Variants in STXBP4 observed in about 807,000 individuals in gnomAD.
The protein encoded by STXBP4 is syntaxin binding protein 4, also known as syntaxin-binding protein 4.
STXBP4 carries 55 observed loss-of-function variants against 76.1 expected under a neutral mutation model. That is an observed-to-expected ratio of 0.72 (90% confidence interval 0.58 to 0.91). The LOEUF (loss-of-function observed/expected upper bound fraction) is 0.91, where lower values mean the gene tolerates loss of function less well. Among genes scored for constraint, STXBP4 ranks in the 40% least tolerant of loss-of-function variants. The probability of loss-of-function intolerance (pLI) is 0.00; values close to 1 mark genes in which losing one functional copy is unlikely to be tolerated. For synonymous variants in STXBP4, 201 were observed against 220.2 expected, an observed-to-expected ratio of 0.91 and a Z score of 0.77; for missense variants, 618 against 636.9, an observed-to-expected ratio of 0.97 and a Z score of 0.32.
At chr17:55,199,175 C>A in the STXBP4 span, among the ~76,000 whole-genome samples, 1 of 152,214 alleles carries the variant, frequency 6.6e-6, no homozygotes, top group Non-Finnish European at 1.5e-5. Flanking sequence ...GCAAAAATTA[C>A]ATTCACAGCT....
In STXBP4 at chr17:55,162,204, G is replaced by A. The variant is rs1032479845; in HGVS notation, c.*2293G>A. ...TCCGTGACTTCTAAACCATCAGGTC[G>A]GTGCCATAAGAGATGCTCAAAAAAG... On this transcript the variant is annotated 3_prime_UTR_variant, in exon 18 of 18. Transcript: ENST00000376352. 4 of 152,068 alleles carry A rather than the reference G, an allele frequency of 2.6e-5. No individual in the cohort carries two copies. Among genetic ancestry groups the A allele is most frequent in the African/African-American group, 4.8e-5 (2 of 41,398 alleles). The allele number at this position is 152,068 out of a possible 1,614,324, so 9.4% of individuals were successfully genotyped here.
At chr17:55,122,475 G>A (rs1238738268) in intron 16 of STXBP4, among the ~76,000 whole-genome samples, 1 of 152,140 alleles carries the variant, frequency 6.6e-6, no homozygotes, top group Non-Finnish European at 1.5e-5. Flanking sequence ...ATAAATGAAG[G>A]AATGGAGTCT....
the STXBP4 span, among the ~76,000 whole-genome samples, chr17:55,212,067 G>A: frequency 3.3e-5 from 5 of 151,280 alleles, no homozygotes; most frequent in African/African-American, 7.3e-5. Flanking sequence ...TGATCCACCC[G>A]CCTCAGCCTC....
intron 16 of STXBP4, among the ~76,000 whole-genome samples, chr17:55,094,750 G>A (rs928588843): frequency 2.0e-5 from 3 of 151,984 alleles, no homozygotes; most frequent in African/African-American, 2.4e-5. Flanking sequence ...CTTAAAAAGC[G>A]CTGAAATTCT....
chr17:54,972,602 T>A (rs1313772444), intron 1 of STXBP4, among the ~76,000 whole-genome samples: 2 of 152,224 alleles, frequency 1.3e-5, no homozygotes, highest in Non-Finnish European at 2.9e-5. Context: ...TTCCTTATTT[T>A]CTGGCACTAC....
chr17:55,195,910 C>T, the STXBP4 span, among the ~76,000 whole-genome samples: 1 of 152,180 alleles, frequency 6.6e-6, no homozygotes, highest in Non-Finnish European at 1.5e-5. Flanking sequence ...CCCACAGATG[C>T]TGCTGAACAT....
intron 7 of STXBP4, 144 bp from the exon 8 acceptor site, chr17:55,007,362 A>G (rs1329282755): frequency 4.4e-6 from 3 of 682,176 alleles, no homozygotes; most frequent in Non-Finnish European, 7.6e-6. Flanking sequence ...GAAAAGAAAA[A>G]AAAATTATGC....
chr17:55,071,455 C>T (rs2093208597), intron 12 of STXBP4, among the ~76,000 whole-genome samples: 1 of 152,162 alleles, frequency 6.6e-6, no homozygotes, highest in South Asian at 2.1e-4. Context: ...GGCCTTCATG[C>T]AAACTGTTCG....
intron 8 of STXBP4, among the ~76,000 whole-genome samples, chr17:55,013,867 AG>A (rs1381419057): frequency 6.6e-6 from 1 of 152,156 alleles, no homozygotes. Flanking sequence ...AAGGCAAACA[AG>A]AATTGAGAGT....
downstream of STXBP4, among the ~76,000 whole-genome samples, chr17:55,177,663 G>A (rs915202578): frequency 2.7e-4 from 41 of 152,310 alleles, no homozygotes; most frequent in Admixed American, 9.8e-4. Context: ...GCACATGATT[G>A]CTGTCCAATA....
intron 12 of STXBP4, among the ~76,000 whole-genome samples, chr17:55,057,837 A>G (rs1385996767): frequency 6.6e-6 from 1 of 152,146 alleles, no homozygotes; most frequent in Non-Finnish European, 1.5e-5. Flanking sequence ...GTTTGCTGAG[A>G]ATGATGGTTT....
chr17:55,201,717 G>A, the STXBP4 span, among the ~76,000 whole-genome samples: 1 of 152,174 alleles, frequency 6.6e-6, no homozygotes, highest in Non-Finnish European at 1.5e-5. Context: ...ACCAAGGTAA[G>A]TCTCACTAGG....
At chr17:55,008,861 TC>T (rs1379124543) in intron 8 of STXBP4, among the ~76,000 whole-genome samples, 1 of 152,186 alleles carries the variant, frequency 6.6e-6, no homozygotes, top group Non-Finnish European at 1.5e-5. Context: ...AGAAAGACCT[TC>T]CGGCTTCTGC....
chr17:55,112,847 G>A (rs1029096535), intron 16 of STXBP4, among the ~76,000 whole-genome samples: 3 of 152,100 alleles, frequency 2.0e-5, no homozygotes, highest in African/African-American at 7.2e-5. Context: ...CAAATGAAGA[G>A]TAGATGACTG....
chr17:55,097,887 A>G (rs1333103551), intron 16 of STXBP4, among the ~76,000 whole-genome samples: 2 of 152,150 alleles, frequency 1.3e-5, no homozygotes, highest in African/African-American at 2.4e-5. Context: ...TTCATCTATG[A>G]AGATGGAGAT....
At chr17:55,004,113 G>A (rs931931477) in intron 7 of STXBP4, among the ~76,000 whole-genome samples, 1 of 151,908 alleles carries the variant, frequency 6.6e-6, no homozygotes, top group African/African-American at 2.4e-5. Flanking sequence ...AACCCAGGAG[G>A]CAGAGGTTGC....
rs368382201 is a variant in STXBP4, at chr17:55,034,369, T to A, written c.855+110T>A. ...CTTAAAAATAGAAATAATACATGTT[T>A]CTTGGATAAATATATAAATACAAAT... On this transcript the variant is annotated intron_variant, in intron 10 of 17. Coordinates refer to ENST00000376352, the MANE Select transcript of STXBP4 (RefSeq NM_178509.6). 1.2e-3 allele frequency: 729 copies of A among 617,822 alleles called. 2 individuals carry two copies. The highest frequency in any genetic ancestry group is 1.7e-3 in the Admixed American group (56 of 32,564). The allele number at this position is 617,822 out of a possible 1,614,324, so 38.3% of individuals were successfully genotyped here. A position where few individuals can be genotyped will look rare whatever the true frequency, so the allele number is the denominator to read the frequency against.
At chr17:55,016,350 G>A (rs759820711) in intron 8 of STXBP4, among the ~76,000 whole-genome samples, 7 of 152,138 alleles carry the variant, frequency 4.6e-5, no homozygotes, top group Non-Finnish European at 7.4e-5. Flanking sequence ...TTTGTGCTCA[G>A]GGGTGAGTCC....
chr17:55,108,380 G>A (rs1409006447), intron 16 of STXBP4, among the ~76,000 whole-genome samples: 1 of 152,122 alleles, frequency 6.6e-6, no homozygotes, highest in Non-Finnish European at 1.5e-5. Flanking sequence ...AGACCCCTTG[G>A]CTCCCTGGCT....
Sources: allele counts gnomAD v4.1 joint callset (sites outside exome capture counted in the v4.1 genomes callset), GRCh38; gene constraint gnomAD v4.1.1; transcripts MANE v1.5; gene names NCBI Gene and HGNC (gene_info 2026-07-23, HGNC 2026-07-21).